The following TRAF2 variants were observed in gnomAD, a reference collection of about 807,000 sequenced individuals.
TRAF2 encodes TNF receptor-associated factor 2.
TRAF2 carries 6 observed loss-of-function variants against 55.6 expected under a neutral mutation model. That is an observed-to-expected ratio of 0.11 (90% confidence interval 0.06 to 0.21). The LOEUF (loss-of-function observed/expected upper bound fraction) is 0.21. Among genes scored for constraint, TRAF2 ranks in the 10% least tolerant of loss-of-function variants. TRAF2 has a pLI of 1.00. For missense variants in TRAF2, 561 were observed against 684.5 expected (o/e 0.82, Z 2.01); for synonymous variants, 329 against 276.3 (o/e 1.19, Z -1.89).
intron 7 of TRAF2, 144 bp downstream of exon 7, chr9:136,916,759 G>A (rs565041751): frequency 1.1e-5 from 9 of 789,338 alleles, no homozygotes; most frequent in Non-Finnish European, 1.9e-5. Context: ...GGCTGTCCGA[G>A]TGTTCCCAGC....
chr9:136,886,583 G>A (rs967610561), intron 1 of TRAF2, 42 bp downstream of exon 1: 26 of 979,540 alleles, frequency 2.7e-5, no homozygotes, highest in Admixed American at 6.3e-5. Flanking sequence ...GGGCGCGGGC[G>A]CGGGGTCGGG....
chr9:136,896,067 C>G (rs1849673512), intron 1 of TRAF2, among the ~76,000 whole-genome samples: 2 of 152,102 alleles, frequency 1.3e-5, no homozygotes, highest in African/African-American at 2.4e-5. Context: ...GTTGCTCTGC[C>G]TGCAGTCCAC....
chr9:136,886,903 C>A (rs1167129850), intron 1 of TRAF2: 2 of 152,392 alleles, frequency 1.3e-5, no homozygotes, highest in Non-Finnish European at 2.9e-5. Flanking sequence ...TCCGTCGCTC[C>A]CCCGCACCCT....
chr9:136,905,824 G>A (rs1319630508), intron 4 of TRAF2, among the ~76,000 whole-genome samples: 1 of 152,160 alleles, frequency 6.6e-6, no homozygotes, highest in Non-Finnish European at 1.5e-5. Context: ...TGGCTCTACC[G>A]CCGGGCGCGG....
chr9:136,919,383 C>T (rs1850327948), intron 7 of TRAF2, among the ~76,000 whole-genome samples: 1 of 150,644 alleles, frequency 6.6e-6, no homozygotes, highest in Non-Finnish European at 1.5e-5. Flanking sequence ...ACCACAACCT[C>T]CACCTCCCGG....
Position 136,925,784 on chromosome 9 carries a change from G to C in TRAF2, c.1389G>C (p.Met463Ile), listed in dbSNP as rs1850515883. Residue 463 changes from methionine to isoleucine, a missense_variant, in exon 11 of 11, where the codon ATG becomes ATC. Physicochemically the swap from Met to Ile is conservative, Grantham distance 10. Transcript: ENST00000247668. ...CTTTTCAGAGGCCAGTCAACGACAT[G>C]AACATCGCAAGCGGCTGCCCCCTCT... ...SSSFQRPVND[M>I]NIASGCPLFC... is the part of the protein sequence containing the mutation. 6.2e-7 allele frequency: 1 copy of C among 1,614,122 alleles called. No individual in the cohort carries two copies. The highest frequency in any genetic ancestry group is 8.5e-7 in the Non-Finnish European group (1 of 1,180,042).
chr9:136,910,096 C>T (rs1342492941), intron 6 of TRAF2, 102 bp downstream of exon 6: 2 of 1,250,446 alleles, frequency 1.6e-6, no homozygotes, highest in Non-Finnish European at 2.3e-6. Flanking sequence ...CCCTTGTGCC[C>T]AAAGGAACAG....
chr9:136,925,536 C>T lies in TRAF2; in HGVS notation c.1288-147C>T, dbSNP rs929693779. On this transcript the variant is annotated intron_variant, in intron 10 of 10. Transcript: ENST00000247668. ...GCGCTGTGGCAGGAGCAAGGCCGCCCACCACGTGGTCTCGGCTGGGCCTCA... is the reference window on the plus strand; with the variant it reads ...GCGCTGTGGCAGGAGCAAGGCCGCCTACCACGTGGTCTCGGCTGGGCCTCA... 1.8e-5 allele frequency: 14 copies of T among 769,322 alleles called. No individual in the cohort carries two copies. The East Asian group carries it at 3.0e-4, about 16-fold the overall frequency. 47.7% of individuals were successfully genotyped at this position (769,322 alleles called of 1,614,324 possible).
Position 136,921,055 on chromosome 9 carries a change from G to T in TRAF2, c.978G>T (p.Arg326Ser), listed in dbSNP as rs1850372688. 3 of 1,613,860 alleles carry T rather than the reference G, an allele frequency of 1.9e-6. No individual in the cohort carries two copies. The highest frequency in any genetic ancestry group is 2.7e-5 in the African/African-American group (2 of 74,948). The change falls in exon 9 of 11, where the codon AGG becomes AGT. Residue 326 changes from arginine (R) to serine (S), a missense_variant. Physicochemically the swap from Arg to Ser is moderately radical, Grantham distance 110. Coordinates refer to ENST00000247668, the MANE Select transcript of TRAF2 (RefSeq NM_021138.4). ...CCCGGCAGGTGCAGCAGCTGGAGAG[G>T]AGCATTGGCCTCAAGGACCTGGCGA... ...ALSSKVQQLE[R>S]SIGLKDLAMA...
chr9:136,898,679 A>G (rs774047178), intron 1 of TRAF2, 34 bp from the exon 2 acceptor site: 32 of 1,606,920 alleles, frequency 2.0e-5, no homozygotes, highest in Middle Eastern at 3.3e-4. Flanking sequence ...CTGTTCTGGA[A>G]TTGAGGTGTA....
At chr9:136,910,892 G>A (rs947532602) in intron 6 of TRAF2, among the ~76,000 whole-genome samples, 2 of 152,250 alleles carry the variant, frequency 1.3e-5, no homozygotes, top group African/African-American at 2.4e-5. Context: ...GCCGAGTGCT[G>A]TCTGAAAGCA....
intron 4 of TRAF2, 60 bp downstream of exon 4, chr9:136,900,580 C>A: frequency 7.2e-7 from 1 of 1,388,122 alleles, no homozygotes; most frequent in Non-Finnish European, 1.0e-6. Context: ...GTCGTCCACG[C>A]TCCCCAAGCA....
Position 136,920,425 on chromosome 9 carries a change from C to T in TRAF2, c.870C>T (p.Asn290=), listed in dbSNP as rs1165282875. 1.2e-6 allele frequency: 2 copies of T among 1,614,112 alleles called. No individual in the cohort carries two copies. The highest frequency in any genetic ancestry group is 1.1e-5 in the South Asian group (1 of 91,088). ...TTGAGAACATTGTCTGCGTCCTGAA[C>T]CGGGAGGTGGAGAGGGTGGCCATGA... is the stretch of plus-strand genomic sequence containing the variant. ...ATFENIVCVL[N]REVERVAMTA... The change falls in exon 8 of 11, where the codon AAC becomes AAT. Residue 290 remains asparagine, a synonymous_variant. Transcript: ENST00000247668.
intron 1 of TRAF2, among the ~76,000 whole-genome samples, chr9:136,888,165 C>G (rs1211043497): frequency 6.6e-6 from 1 of 152,194 alleles, no homozygotes; most frequent in African/African-American, 2.4e-5. Context: ...GCCACCGCGC[C>G]CGGCCATGAA....
intron 1 of TRAF2, among the ~76,000 whole-genome samples, chr9:136,895,976 G>C (rs1849671469): frequency 6.6e-6 from 1 of 152,084 alleles, no homozygotes; most frequent in South Asian, 2.1e-4. Flanking sequence ...GCCAGGGCCT[G>C]TCAGTCCCTG....
At chr9:136,905,840 C>T (rs1400298131) in intron 4 of TRAF2, among the ~76,000 whole-genome samples, 1 of 152,156 alleles carries the variant, frequency 6.6e-6, no homozygotes, top group African/African-American at 2.4e-5. Context: ...CGCGGTGGCT[C>T]ACACCTGTAA....
At chr9:136,903,784 C>G (rs1277967672) in intron 4 of TRAF2, among the ~76,000 whole-genome samples, 1 of 152,114 alleles carries the variant, frequency 6.6e-6, no homozygotes, top group Non-Finnish European at 1.5e-5. Flanking sequence ...CGGGTTCACA[C>G]CATTCTTCCT....
chr9:136,886,367 C>A (rs780670873), upstream of TRAF2: 1 of 982,036 alleles, frequency 1.0e-6, no homozygotes, highest in Non-Finnish European at 1.2e-6. Flanking sequence ...GTCCGTCAGG[C>A]GCGCTCGGAG....
At chr9:136,882,045 C>T, upstream of TRAF2, 1 of 985,508 alleles carries the variant, frequency 1.0e-6, no homozygotes, top group East Asian at 1.1e-4. Context: ...TGGGCACTTC[C>T]CCTGGGGACA....
Sources: allele counts gnomAD v4.1 joint callset (sites outside exome capture counted in the v4.1 genomes callset), GRCh38; gene constraint gnomAD v4.1.1; transcripts MANE v1.5; gene names NCBI Gene and HGNC (gene_info 2026-07-23, HGNC 2026-07-21).